KAZN: variants seen among roughly 807,000 people sequenced by gnomAD.
KAZN encodes kazrin, periplakin interacting protein.
In KAZN, 40 loss-of-function variants were observed where a neutral mutation model predicts 87.4. The observed-to-expected ratio is 0.46, with a 90% CI of 0.36 to 0.60. The LOEUF (loss-of-function observed/expected upper bound fraction) is 0.60. Among genes scored for constraint, KAZN ranks in the 20% least tolerant of loss-of-function variants. KAZN has a pLI of 0.00. For missense variants in KAZN, 898 were observed against 1,073.9 expected (o/e 0.84, Z 2.29); for synonymous variants, 466 against 458.3 (o/e 1.02, Z -0.22).
chr1:14,536,358 T>C (rs1672505239), intron 2 of KAZN, among the ~76,000 whole-genome samples: 1 of 151,454 alleles, frequency 6.6e-6, no homozygotes, highest in Non-Finnish European at 1.5e-5. Flanking sequence ...CTGGGGAGAG[T>C]GGATGAGGTC....
chr1:14,329,905 C>T (rs1040333979), intron 2 of KAZN, among the ~76,000 whole-genome samples: 1 of 152,154 alleles, frequency 6.6e-6, no homozygotes, highest in East Asian at 1.9e-4. Flanking sequence ...GTTTTGGGAT[C>T]GTCTTCTAGG....
At chr1:15,080,991 A>G (rs1639979298) in intron 8 of KAZN, among the ~76,000 whole-genome samples, 1 of 152,278 alleles carries the variant, frequency 6.6e-6, no homozygotes, top group African/African-American at 2.4e-5. Flanking sequence ...GCCAAAGTTC[A>G]GAGGCCTTGC....
intron 1 of KAZN, among the ~76,000 whole-genome samples, chr1:14,885,574 C>T (rs1162106585): frequency 6.6e-6 from 1 of 152,034 alleles, no homozygotes; most frequent in East Asian, 1.9e-4. Context: ...TCTTGAACTC[C>T]TAGGTTCAAG....
At chr1:14,192,394 C>A (rs2100365326) in intron 2 of KAZN, among the ~76,000 whole-genome samples, 1 of 152,278 alleles carries the variant, frequency 6.6e-6, no homozygotes, top group African/African-American at 2.4e-5. Flanking sequence ...GGTGTCTGGT[C>A]ACTTGAAATT....
At chr1:14,913,095 C>T (rs1248744895) in intron 1 of KAZN, among the ~76,000 whole-genome samples, 1 of 152,204 alleles carries the variant, frequency 6.6e-6, no homozygotes, top group Non-Finnish European at 1.5e-5. Context: ...CCGAGCTAGA[C>T]TTGAGAATCT....
chr1:13,946,900 C>G (rs374501763), intron 1 of KAZN, among the ~76,000 whole-genome samples: 7 of 152,246 alleles, frequency 4.6e-5, no homozygotes, highest in African/African-American at 1.7e-4. Context: ...AACAGAAATG[C>G]ATTCTTTCAT....
intron 1 of KAZN, among the ~76,000 whole-genome samples, chr1:14,919,148 G>T (rs560644796): frequency 6.6e-6 from 1 of 152,266 alleles, no homozygotes; most frequent in South Asian, 2.1e-4. Context: ...CGAACCTCCA[G>T]AACACTCAGA....
intron 3 of KAZN, among the ~76,000 whole-genome samples, chr1:15,035,755 C>G (rs964637719): frequency 1.3e-5 from 2 of 152,186 alleles, no homozygotes; most frequent in Non-Finnish European, 2.9e-5. Context: ...CACAGAATCA[C>G]TGGAACCCAG....
At chr1:14,010,959 T>C (rs1640272420) in intron 1 of KAZN, among the ~76,000 whole-genome samples, 1 of 152,180 alleles carries the variant, frequency 6.6e-6, no homozygotes. Context: ...CCTTTTTTTT[T>C]GGACCTTATC....
intron 2 of KAZN, among the ~76,000 whole-genome samples, chr1:14,998,652 C>T (rs569696242): frequency 3.2e-4 from 49 of 152,242 alleles, no homozygotes; most frequent in Non-Finnish European, 6.0e-4. Flanking sequence ...GTGTTCAAGC[C>T]ATTCTCCTGC....
At chr1:14,176,344 G>A (rs1405757821) in intron 1 of KAZN, among the ~76,000 whole-genome samples, 3 of 152,100 alleles carry the variant, frequency 2.0e-5, no homozygotes, top group South Asian at 4.1e-4. Context: ...GAGGTGGAGC[G>A]ATGAGAGTGT....
intron 1 of KAZN, among the ~76,000 whole-genome samples, chr1:14,032,911 G>A (rs922400347): frequency 2.0e-5 from 3 of 152,136 alleles, no homozygotes; most frequent in Admixed American, 6.5e-5. Context: ...GGCTTCAGAT[G>A]ATGGCAGTGT....
At chr1:14,469,801 C>T (rs1357525083) in intron 2 of KAZN, among the ~76,000 whole-genome samples, 1 of 152,208 alleles carries the variant, frequency 6.6e-6, no homozygotes, top group Non-Finnish European at 1.5e-5. Flanking sequence ...CTGCACCTTG[C>T]ACTACGAATA....
Position 15,027,789 on chromosome 1 carries a change from C to T in KAZN, c.419-6960C>T, listed in dbSNP as rs186259359. ...CAGGCTGGAAATTTTTACAAGAGCT[C>T]CTGACCTTGCGACATCCAGGATTGG... On this transcript the variant is annotated intron_variant, in intron 2 of 14. Transcript: ENST00000376030. Among the ~76,000 whole-genome samples the T allele has an allele frequency of 9.8e-4, 149 of 152,302 alleles. 2 individuals carry two copies. In the South Asian group the frequency reaches 0.014, roughly 14 times the overall value.
chr1:13,905,411 C>A (rs185217954), intron 1 of KAZN, among the ~76,000 whole-genome samples: 1 of 152,066 alleles, frequency 6.6e-6, no homozygotes, highest in South Asian at 2.1e-4. Flanking sequence ...AAATTTGAAC[C>A]CCAACTCATA....
At chr1:14,442,522 G>T (rs1269113177) in intron 2 of KAZN, among the ~76,000 whole-genome samples, 2 of 152,172 alleles carry the variant, frequency 1.3e-5, no homozygotes, top group Non-Finnish European at 2.9e-5. Context: ...TTCTCAACCA[G>T]CAGGCTTGGG....
intron 2 of KAZN, among the ~76,000 whole-genome samples, chr1:14,456,683 TCCA>T (rs1667584501): frequency 6.6e-6 from 1 of 152,170 alleles, no homozygotes; most frequent in Non-Finnish European, 1.5e-5. Context: ...TCCCTTCTTC[TCCA>T]CAAACAAAGC....
chr1:14,991,188 AAT>A (rs1667318471), intron 2 of KAZN, among the ~76,000 whole-genome samples: 1 of 151,952 alleles, frequency 6.6e-6, no homozygotes, highest in Non-Finnish European at 1.5e-5. Context: ...CCCCATCTCT[AAT>A]AAAAATACAA....
intron 2 of KAZN, among the ~76,000 whole-genome samples, chr1:14,394,039 C>T (rs888912502): frequency 1.3e-5 from 2 of 152,134 alleles, no homozygotes; most frequent in Non-Finnish European, 2.9e-5. Context: ...TTTTGCTGTG[C>T]AGCTGCTTCA....
Sources: gnomAD v4.1 joint callset for allele counts (sites outside exome capture counted in the v4.1 genomes callset) on GRCh38, gnomAD v4.1.1 for gene constraint, MANE v1.5 for transcripts, NCBI Gene and HGNC (gene_info 2026-07-23, HGNC 2026-07-21) for gene names.